The following SEPTIN3 variants were observed in gnomAD, a reference collection of about 807,000 sequenced individuals.
The protein encoded by SEPTIN3 is septin 3.
Under a neutral mutation model 45.1 loss-of-function variants are expected in SEPTIN3, and 15 were observed. The ratio of observed to expected loss-of-function variants is 0.33; its 90% CI spans 0.22 to 0.51. The LOEUF (loss-of-function observed/expected upper bound fraction) is 0.51. SEPTIN3 is among the 20% of genes least tolerant of loss of function. SEPTIN3 has a pLI of 0.97. For missense variants in SEPTIN3, 289 were observed against 457.2 expected (o/e 0.63, Z 3.35); for synonymous variants, 148 against 164.8 (o/e 0.90, Z 0.78).
intron 1 of SEPTIN3, among the ~76,000 whole-genome samples, chr22:41,969,956 C>T (rs1255348726): frequency 6.6e-6 from 1 of 152,090 alleles, no homozygotes; most frequent in African/African-American, 2.4e-5. Context: ...CAGTGATAGG[C>T]CAGGTGGGAA....
At chr22:41,988,464 G>A (rs546485856) in intron 6 of SEPTIN3, among the ~76,000 whole-genome samples, 1 of 152,216 alleles carries the variant, frequency 6.6e-6, no homozygotes, top group Non-Finnish European at 1.5e-5. Flanking sequence ...CAGCTGCTGG[G>A]CCAGAGTTAA....
intron 4 of SEPTIN3, among the ~76,000 whole-genome samples, chr22:41,986,365 A>G (rs1772144831): frequency 1.3e-5 from 2 of 152,160 alleles, no homozygotes; most frequent in African/African-American, 2.4e-5. Flanking sequence ...AGAAAGAGGT[A>G]AGGAGTGGGC....
In SEPTIN3 at chr22:41,981,764, A is replaced by G; in HGVS notation, c.1624A>G (p.Ile542Val). The stretch of plus-strand genomic sequence containing the variant: ...CTCCAACCTGCTGGGCTACATCGGC[A>G]TCGACACCATCATCGAGCAGATGCG... ...INSNLLGYIG[I>V]DTIIEQMRKK... is the part of the protein sequence containing the mutation. Residue 542 changes from isoleucine (I) to valine (V), a missense_variant, in exon 3 of 12, where the codon ATC (isoleucine) becomes GTC (valine). Ile to Val is a conservative substitution (Grantham distance 29). Transcript: ENST00000644076. 6.2e-7 allele frequency: 1 copy of G among 1,614,130 alleles called. No individual in the cohort carries two copies.
rs1418868341 is a variant in SEPTIN3, at chr22:41,972,290, C to T, written c.798C>T (p.Ala266=). 1 of 399,054 alleles carries T rather than the reference C, an allele frequency of 2.5e-6. No homozygotes were observed. The highest frequency in any genetic ancestry group is 2.1e-5 in the African/African-American group (1 of 48,642). The allele number at this position is 399,054 out of a possible 1,614,324, so 24.7% of individuals were successfully genotyped here. ...LTAMDTRTDA[A]RHLATMATNR... is the part of the protein sequence containing the mutation. ...CTATGGACACAAGGACAGACGCAGC[C>T]AGACATTTAGCCACAATGGCCACCA... The change falls in exon 2 of 12, where the codon GCC becomes GCT. Residue 266 remains alanine, a synonymous_variant. Coordinates refer to ENST00000644076, the MANE Select transcript of SEPTIN3 (RefSeq NM_001363845.2).
intron 11 of SEPTIN3, chr22:41,996,070 C>A: frequency 1.0e-6 from 1 of 985,314 alleles, no homozygotes; most frequent in Non-Finnish European, 1.2e-6. Context: ...TTTTCTATTC[C>A]CCATCACTTT....
intron 2 of SEPTIN3, chr22:41,981,377 G>A (rs2078117129): frequency 4.7e-6 from 2 of 427,622 alleles, no homozygotes; most frequent in South Asian, 1.1e-4. Flanking sequence ...GAGCAGTGAG[G>A]TGCATTTGAA....
At chr22:41,975,725 T>C (rs1488769423) in intron 2 of SEPTIN3, among the ~76,000 whole-genome samples, 1 of 152,132 alleles carries the variant, frequency 6.6e-6, no homozygotes, top group Non-Finnish European at 1.5e-5. Flanking sequence ...CCAGTCTACT[T>C]CCCACCTTGT....
At chr22:41,978,925 G>GAGGAGT (rs2078076059) in intron 2 of SEPTIN3, among the ~76,000 whole-genome samples, 1 of 151,586 alleles carries the variant, frequency 6.6e-6, no homozygotes, top group African/African-American at 2.4e-5. Context: ...GGAGGAGGAG[G>GAGGAGT]AGGAGGGAGC....
chr22:41,975,846 A>G (rs568915544), intron 2 of SEPTIN3, among the ~76,000 whole-genome samples: 9 of 152,022 alleles, frequency 5.9e-5, no homozygotes, highest in African/African-American at 4.8e-5. Flanking sequence ...TCCACACACA[A>G]CTGCTGCAAC....
chr22:41,997,069 C>G lies in SEPTIN3; in HGVS notation c.*102C>G. On this transcript the variant is annotated 3_prime_UTR_variant, in exon 12 of 12. Transcript: ENST00000644076. ...GTGCTCGTCCAGCTCACCACCACAG[C>G]CCCTCTCAGCCCTCAGTAGGTGGGA... The G allele has an allele frequency of 1.3e-6, 2 of 1,580,630 alleles. No homozygotes were observed. The highest frequency in any genetic ancestry group is 1.7e-6 in the Non-Finnish European group (2 of 1,164,122).
Position 41,976,540 on chromosome 22 carries a change from T to G in SEPTIN3, c.1504+3544T>G, listed in dbSNP as rs1319498831. 6.6e-6 allele frequency: 1 copy of G among 152,294 alleles called. No homozygotes were observed. The highest frequency in any genetic ancestry group is 1.5e-5 in the Non-Finnish European group (1 of 68,234). 9.4% of individuals were successfully genotyped at this position (152,294 alleles called of 1,614,324 possible). A position where few individuals can be genotyped will look rare whatever the true frequency, so the allele number is the denominator to read the frequency against. On this transcript the variant is annotated intron_variant, in intron 2 of 11. Coordinates refer to ENST00000644076, the MANE Select transcript of SEPTIN3 (RefSeq NM_001363845.2). This position sits in a 1 kb window ranked among gnomAD's most constrained non-coding sequence, Gnocchi z 5.8. Reference sequence around the variant, plus strand: ...GCTCACGGCCGCCCGCAGCTGCCACTGGTCCCCTGCGCCCCTCCGCCCGTC... The same window carrying G: ...GCTCACGGCCGCCCGCAGCTGCCACGGGTCCCCTGCGCCCCTCCGCCCGTC...
intron 3 of SEPTIN3, among the ~76,000 whole-genome samples, chr22:41,984,936 T>G (rs926290085): frequency 2.3e-4 from 32 of 142,176 alleles, no homozygotes; most frequent in African/African-American, 6.7e-4. Context: ...CACTGCAAGC[T>G]CTGCCTCCCA....
chr22:41,985,828 C>A, intron 3 of SEPTIN3, 156 bp from the exon 4 acceptor site: 1 of 818,940 alleles, frequency 1.2e-6, no homozygotes, highest in Non-Finnish European at 1.8e-6. Flanking sequence ...TTCCCACCTG[C>A]CTGCAATCCC....
chr22:41,975,689 T>G (rs1482030995), intron 2 of SEPTIN3, among the ~76,000 whole-genome samples: 1 of 152,074 alleles, frequency 6.6e-6, no homozygotes, highest in Non-Finnish European at 1.5e-5. Flanking sequence ...ATCCTCTTCT[T>G]CCTCATCTCT....
At position 41,971,701 on chromosome 22, in the gene SEPTIN3, G is replaced by A. The variant is rs564168802; in HGVS notation, c.209G>A (p.Arg70Gln). ...AGCCATATCCCACAGACCTCCAGCC[G>A]GCTGGGCCTTGGAGCCAGGACCCGG... ...PQSHIPQTSS[R>Q]LGLGARTRSV... is the part of the protein sequence containing the mutation. Residue 70 changes from arginine to glutamine, a missense_variant, in exon 2 of 12, where the codon CGG (arginine) becomes CAG (glutamine). By Grantham distance (43) the Arg-to-Gln change is conservative. Transcript: ENST00000644076. 27 of 399,022 alleles carry A rather than the reference G, an allele frequency of 6.8e-5. No individual in the cohort carries two copies. The highest frequency in any genetic ancestry group is 6.2e-4 in the Admixed American group (14 of 22,720). 24.7% of individuals were successfully genotyped at this position (399,022 alleles called of 1,614,324 possible).
chr22:41,995,928 A>C (rs546397587), intron 11 of SEPTIN3: 6 of 981,396 alleles, frequency 6.1e-6, no homozygotes, highest in East Asian at 2.3e-4. Flanking sequence ...CAATATACAT[A>C]ATTTGTCTTT....
Position 41,987,649 on chromosome 22 carries a change from T to A in SEPTIN3, c.1935T>A (p.Asn645Lys). 1 of 1,613,624 alleles carries A rather than the reference T, an allele frequency of 6.2e-7. No homozygotes were observed. The highest frequency in any genetic ancestry group is 8.5e-7 in the Non-Finnish European group (1 of 1,179,596). ...NCWEPIEKYINEQYEKFLKEE... is the reference protein window; with the variant it reads ...NCWEPIEKYIKEQYEKFLKEE... ...GGGAGCCCATTGAGAAGTACATCAA[T>A]GAGCAGTACGAGAAGTTCCTGAAGG... Residue 645 changes from asparagine to lysine, a missense_variant, in exon 6 of 12, where the codon AAT becomes AAA. Asn to Lys is a moderately conservative substitution (Grantham distance 94). Coordinates refer to ENST00000644076, the MANE Select transcript of SEPTIN3 (RefSeq NM_001363845.2).
intron 8 of SEPTIN3, 121 bp from the exon 9 acceptor site, chr22:41,992,543 A>G (rs975600068): frequency 1.6e-6 from 1 of 623,666 alleles, no homozygotes; most frequent in African/African-American, 1.9e-5. Flanking sequence ...GTATCTCTGA[A>G]TGAGCATCAG....
chr22:41,975,437 C>T (rs1273623746), intron 2 of SEPTIN3, among the ~76,000 whole-genome samples: 1 of 152,178 alleles, frequency 6.6e-6, no homozygotes, highest in African/African-American at 2.4e-5. Context: ...GGGCACCTCA[C>T]CTAAATTCTG....
Sources: allele counts gnomAD v4.1 joint callset (sites outside exome capture counted in the v4.1 genomes callset), GRCh38; gene constraint gnomAD v4.1.1; non-coding constraint Gnocchi (gnomAD v3.1); transcripts MANE v1.5; gene names NCBI Gene and HGNC (gene_info 2026-07-23, HGNC 2026-07-21).